SIPA1L2: variants seen among roughly 807,000 people sequenced by gnomAD.
The protein encoded by SIPA1L2 is signal-induced proliferation-associated 1-like protein 2.
A neutral mutation model predicts 163.9 loss-of-function variants in SIPA1L2; 56 were observed. The observed-to-expected ratio is 0.34, with a 90% CI of 0.28 to 0.43. SIPA1L2 has a LOEUF of 0.43. Among genes scored for constraint, SIPA1L2 ranks in the 20% least tolerant of loss-of-function variants. The pLI is 1.00. For synonymous variants in SIPA1L2, 877 were observed against 865.7 expected, an observed-to-expected ratio of 1.01 and a Z score of -0.23; for missense variants, 1,974 against 2,193.5, an observed-to-expected ratio of 0.90 and a Z score of 2.00.
intron 7 of SIPA1L2, among the ~76,000 whole-genome samples, chr1:232,474,131 C>T (rs557777429): frequency 1.7e-4 from 26 of 152,212 alleles, no homozygotes; most frequent in African/African-American, 5.5e-4. Flanking sequence ...CAAAACCTGA[C>T]GGTACTATTT....
chr1:232,439,054 G>A, intron 15 of SIPA1L2, 54 bp downstream of exon 15: 1 of 1,527,026 alleles, frequency 6.5e-7, no homozygotes, highest in African/African-American at 1.4e-5. Context: ...TATCCCAGCA[G>A]GCAGGGCCCA....
intron 18 of SIPA1L2, among the ~76,000 whole-genome samples, chr1:232,416,512 C>A (rs1386425488): frequency 6.6e-6 from 1 of 152,158 alleles, no homozygotes; most frequent in Non-Finnish European, 1.5e-5. Context: ...TCAGGGGAGA[C>A]CTTCCTCTTT....
Position 232,445,674 on chromosome 1 carries a change from G to A in SIPA1L2, c.3208C>T (p.Pro1070Ser). Residue 1070 changes from proline to serine, a missense_variant, in exon 11 of 23, where the codon CCC (proline) becomes TCC (serine). Physicochemically the swap from Pro to Ser is moderately conservative, Grantham distance 74 (BLOSUM62 -1). Coordinates refer to ENST00000674635, the MANE Select transcript of SIPA1L2 (RefSeq NM_020808.5). ...GAGAGGGGCTGCAGGGCAGGAGTGG[G>A]CACCCGGTGCCACGTGGTGTTCCTC... ...FRRNTTWHRV[P>S]TPALQPLSRA... The A allele has an allele frequency of 6.2e-7, 1 of 1,613,390 alleles. No individual in the cohort carries two copies. The highest frequency in any genetic ancestry group is 1.3e-5 in the African/African-American group (1 of 75,050).
At chr1:232,469,669 T>C (rs539021405) in intron 8 of SIPA1L2, among the ~76,000 whole-genome samples, 85 of 152,266 alleles carry the variant, frequency 5.6e-4, no homozygotes, top group African/African-American at 7.7e-4. Context: ...CTCTGAATGA[T>C]TGGCATATGG....
intron 1 of SIPA1L2, among the ~76,000 whole-genome samples, chr1:232,627,656 C>A (rs1663153598): frequency 6.6e-6 from 1 of 152,124 alleles, no homozygotes; most frequent in African/African-American, 2.4e-5. Flanking sequence ...ACAATTAAAG[C>A]TCTTTGAGAA....
At chr1:232,457,295 C>T (rs1663975490) in intron 10 of SIPA1L2, among the ~76,000 whole-genome samples, 1 of 152,176 alleles carries the variant, frequency 6.6e-6, no homozygotes, top group South Asian at 2.1e-4. Context: ...AGGAGCTGGG[C>T]TCCCATGTCA....
chr1:232,515,532 G>C lies in SIPA1L2; in HGVS notation c.-193C>G, dbSNP rs538915613. On this transcript the variant is annotated 5_prime_UTR_variant, in exon 3 of 23. Coordinates refer to ENST00000674635, the MANE Select transcript of SIPA1L2 (RefSeq NM_020808.5). ...AAAGCCAACTTGCTTCTCTGTTGTCGTAATAATGTTGTACGCCTCTGTTCT... is the reference window on the plus strand; with the variant it reads ...AAAGCCAACTTGCTTCTCTGTTGTCCTAATAATGTTGTACGCCTCTGTTCT... 3.5e-6 allele frequency: 2 copies of C among 576,772 alleles called. No homozygotes were observed. The highest frequency in any genetic ancestry group is 5.9e-6 in the Non-Finnish European group (2 of 339,492). 35.7% of individuals were successfully genotyped at this position (576,772 alleles called of 1,614,324 possible). A position where few individuals can be genotyped will look rare whatever the true frequency, so the allele number is the denominator to read the frequency against.
chr1:232,569,205 A>G (rs771170364), intron 2 of SIPA1L2, among the ~76,000 whole-genome samples: 2 of 152,202 alleles, frequency 1.3e-5, no homozygotes, highest in Non-Finnish European at 2.9e-5. Context: ...CATAATCTGG[A>G]AAGTGTTTGT....
chr1:232,585,655 G>C (rs1291989441), intron 1 of SIPA1L2, among the ~76,000 whole-genome samples: 1 of 152,178 alleles, frequency 6.6e-6, no homozygotes, highest in Non-Finnish European at 1.5e-5. Flanking sequence ...ACCATACAAA[G>C]AGAACAAAGG....
chr1:232,402,740 C>G (rs1478688694), intron 21 of SIPA1L2: 1 of 261,812 alleles, frequency 3.8e-6, no homozygotes, highest in Non-Finnish European at 7.4e-6. Context: ...GTTGGTTTAT[C>G]CAATGGAGAC....
chr1:232,487,153 G>A (rs1373054197), intron 5 of SIPA1L2, among the ~76,000 whole-genome samples: 1 of 152,226 alleles, frequency 6.6e-6, no homozygotes, highest in East Asian at 1.9e-4. Context: ...TGCCCAGACA[G>A]CAGAGGATCC....
Position 232,398,541 on chromosome 1 carries a change from G to A in SIPA1L2, c.*586C>T, listed in dbSNP as rs1465581112. On this transcript the variant is annotated 3_prime_UTR_variant, in exon 23 of 23. Transcript: ENST00000674635. Reference sequence around the variant, plus strand: ...CTAAGGTAACTGCATCTGAACTAGTGTTAAACACAACAGTGCTTTTTTTTT... The same window carrying A: ...CTAAGGTAACTGCATCTGAACTAGTATTAAACACAACAGTGCTTTTTTTTT... 1.3e-5 allele frequency: 2 copies of A among 148,966 alleles called. No homozygotes were observed. The highest frequency in any genetic ancestry group is 2.5e-5 in the African/African-American group (1 of 40,426). The allele number at this position is 148,966 out of a possible 1,614,324, so 9.2% of individuals were successfully genotyped here. A position where few individuals can be genotyped will look rare whatever the true frequency, so the allele number is the denominator to read the frequency against.
chr1:232,490,454 T>C (rs974614425), intron 5 of SIPA1L2, among the ~76,000 whole-genome samples: 4 of 152,192 alleles, frequency 2.6e-5, no homozygotes, highest in Admixed American at 2.6e-4. Context: ...TAGGTCTTAG[T>C]CAGCTTCAAT....
At chr1:232,402,150 C>T (rs1558147658) in intron 22 of SIPA1L2, among the ~76,000 whole-genome samples, 2 of 152,182 alleles carry the variant, frequency 1.3e-5, no homozygotes, top group Non-Finnish European at 2.9e-5. Context: ...TGAAGATTTG[C>T]CACACCAAGG....
chr1:232,554,645 T>C (rs1196142734), intron 2 of SIPA1L2, among the ~76,000 whole-genome samples: 1 of 152,236 alleles, frequency 6.6e-6, no homozygotes, highest in Admixed American at 6.5e-5. Context: ...TGCACACATA[T>C]CTTGACACTG....
intron 11 of SIPA1L2, 101 bp from the exon 12 acceptor site, chr1:232,443,786 C>A: frequency 1.8e-5 from 16 of 876,300 alleles, no homozygotes; most frequent in South Asian, 1.4e-4. Context: ...TTGAGAATGA[C>A]AAAGAAAAGG....
chr1:232,489,011 C>T (rs564652114), intron 5 of SIPA1L2, among the ~76,000 whole-genome samples: 3 of 152,232 alleles, frequency 2.0e-5, no homozygotes, highest in South Asian at 4.1e-4. Flanking sequence ...TTTCACTGCT[C>T]GGTAAAAGAA....
chr1:232,625,768 A>G (rs143793673), intron 1 of SIPA1L2, among the ~76,000 whole-genome samples: 3 of 152,340 alleles, frequency 2.0e-5, no homozygotes, highest in African/African-American at 4.8e-5. Context: ...TTTCAATTCT[A>G]TAGGCCAAAA....
chr1:232,410,347 T>A (rs1035750343), intron 19 of SIPA1L2, among the ~76,000 whole-genome samples: 2 of 152,166 alleles, frequency 1.3e-5, no homozygotes, highest in Non-Finnish European at 2.9e-5. Flanking sequence ...CTGTAACTTT[T>A]TAATTAAAGT....
Sources: gnomAD v4.1 joint callset for allele counts (sites outside exome capture counted in the v4.1 genomes callset) on GRCh38, gnomAD v4.1.1 for gene constraint, MANE v1.5 for transcripts, NCBI Gene and HGNC (gene_info 2026-07-23, HGNC 2026-07-21) for gene names.